ANKRD62: variants seen among roughly 807,000 people sequenced by gnomAD.
ANKRD62 encodes ankyrin repeat domain-containing protein 62.
ANKRD62 carries 61 observed loss-of-function variants against 98.8 expected under a neutral mutation model. The ratio of observed to expected loss-of-function variants is 0.62; its 90% CI spans 0.50 to 0.76. The LOEUF is 0.76. ANKRD62 is among the 30% of genes least tolerant of loss of function. The pLI is 0.00. For missense variants in ANKRD62, 933 were observed against 1,082.9 expected (o/e 0.86, Z 1.94); for synonymous variants, 341 against 367.9 (o/e 0.93, Z 0.84).
the ANKRD62 span, among the ~76,000 whole-genome samples, chr18:12,175,104 A>G: frequency 6.6e-6 from 1 of 152,124 alleles, no homozygotes; most frequent in Non-Finnish European, 1.5e-5. Flanking sequence ...CAGCTCAGGG[A>G]AGGGTAGGGG....
At chr18:12,174,697 A>T in the ANKRD62 span, among the ~76,000 whole-genome samples, 1 of 152,128 alleles carries the variant, frequency 6.6e-6, no homozygotes, top group Non-Finnish European at 1.5e-5. Context: ...TGATGACCTT[A>T]AGGGTTTGAG....
chr18:12,116,490 G>A (rs1406553456), intron 10 of ANKRD62, among the ~76,000 whole-genome samples: 3 of 152,078 alleles, frequency 2.0e-5, no homozygotes, highest in African/African-American at 7.2e-5. Flanking sequence ...TTGTGAAATA[G>A]TATTTTGTGT....
At chr18:12,170,959 T>A in the ANKRD62 span, among the ~76,000 whole-genome samples, 1 of 1,492 alleles carries the variant, frequency 6.7e-4, no homozygotes, top group Non-Finnish European at 1.7e-3. Flanking sequence ...CAACCCCTGC[T>A]TTTTTTTTTT....
chr18:12,138,302 T>C, the ANKRD62 span, among the ~76,000 whole-genome samples: 1 of 152,266 alleles, frequency 6.6e-6, no homozygotes, highest in African/African-American at 2.4e-5. Flanking sequence ...TTTCGTTATG[T>C]ACCCAGTAGT....
chr18:12,138,803 A>G, the ANKRD62 span, among the ~76,000 whole-genome samples: 93,301 of 151,970 alleles, frequency 0.61, 29,080 homozygotes, highest in Middle Eastern at 0.76. Flanking sequence ...TGTAATGGCC[A>G]TCTTTGTCTT....
intron 6 of ANKRD62, among the ~76,000 whole-genome samples, chr18:12,100,261 ATAAAG>A (rs1368529640): frequency 4.6e-5 from 7 of 152,330 alleles, no homozygotes; most frequent in African/African-American, 7.2e-5. Context: ...TGTTACTACA[ATAAAG>A]TAAACTAGAG....
At position 12,115,492 on chromosome 18, in the gene ANKRD62, A is replaced by G; in HGVS notation, c.1198A>G (p.Asn400Asp). The G allele has an allele frequency of 6.5e-7, 1 of 1,537,652 alleles. No individual in the cohort carries two copies. Among genetic ancestry groups the G allele is most frequent in the South Asian group, 1.2e-5 (1 of 83,940 alleles). Residue 400 changes from asparagine to aspartate, a missense_variant, in exon 10 of 14, where the codon AAT becomes GAT. Physicochemically the swap from Asn to Asp is conservative, Grantham distance 23 (BLOSUM62 1). Coordinates refer to ENST00000587848, the MANE Select transcript of ANKRD62 (RefSeq NM_001277333.2). ...DDELPYSDDE[N>D]FMLLIEQSGM... is the part of the protein sequence containing the mutation. ...TGAGTTGCCTTACTCTGATGATGAG[A>G]ATTTTATGTTACTCATTGAACAAAG...
At position 12,127,793 on chromosome 18, in the gene ANKRD62, A is replaced by G; in HGVS notation, c.2608A>G (p.Lys870Glu). 6.7e-7 allele frequency: 1 copy of G among 1,499,228 alleles called. No homozygotes were observed. Among genetic ancestry groups the G allele is most frequent in the Non-Finnish European group, 8.8e-7 (1 of 1,131,608 alleles). The allele number at this position is 1,499,228 out of a possible 1,614,324, so 92.9% of individuals were successfully genotyped here. The change falls in exon 14 of 14, where the codon AAA becomes GAA. Residue 870 changes from lysine to glutamate, a missense_variant. Lys to Glu is a moderately conservative substitution (Grantham distance 56). Transcript: ENST00000587848. The part of the protein sequence containing the change: ...LQREVDDALN[K>E]QLLLEAMLEI... ...ACGAGAAGTGGATGATGCCCTGAACAAACAATTGCTGTTAGAAGCTATGCT... is the reference window on the plus strand; with the variant it reads ...ACGAGAAGTGGATGATGCCCTGAACGAACAATTGCTGTTAGAAGCTATGCT...
the ANKRD62 span, among the ~76,000 whole-genome samples, chr18:12,160,916 G>A: frequency 9.0e-4 from 137 of 152,166 alleles, no homozygotes; most frequent in African/African-American, 3.1e-3. Flanking sequence ...TGTTAGACCC[G>A]AAGATCCTGG....
the ANKRD62 span, among the ~76,000 whole-genome samples, chr18:12,169,414 G>C: frequency 6.6e-6 from 1 of 152,220 alleles, no homozygotes; most frequent in South Asian, 2.1e-4. Context: ...CTTTGGTTCT[G>C]TTTATGTGAT....
the ANKRD62 span, among the ~76,000 whole-genome samples, chr18:12,168,085 G>T: frequency 3.3e-5 from 5 of 152,104 alleles, no homozygotes; most frequent in African/African-American, 9.7e-5. Context: ...TCTGTAGGTT[G>T]CCTGTTCACT....
At chr18:12,172,812 C>A in the ANKRD62 span, among the ~76,000 whole-genome samples, 1 of 152,346 alleles carries the variant, frequency 6.6e-6, no homozygotes, top group Non-Finnish European at 1.5e-5. Context: ...CAATGGCAGA[C>A]TCCCCTCCCC....
At chr18:12,168,268 G>C in the ANKRD62 span, among the ~76,000 whole-genome samples, 1 of 152,020 alleles carries the variant, frequency 6.6e-6, no homozygotes, top group Non-Finnish European at 1.5e-5. Flanking sequence ...ATGGTTTTAG[G>C]TCTAACATTT....
chr18:12,169,866 A>G, the ANKRD62 span, among the ~76,000 whole-genome samples: 1 of 152,126 alleles, frequency 6.6e-6, no homozygotes, highest in Non-Finnish European at 1.5e-5. Context: ...GGGAGGGTGT[A>G]TGTGTCCAGG....
chr18:12,174,321 C>A, the ANKRD62 span, among the ~76,000 whole-genome samples: 9 of 152,148 alleles, frequency 5.9e-5, no homozygotes, highest in Non-Finnish European at 1.3e-4. Context: ...TTATGAAATT[C>A]TTTTAATGTG....
chr18:12,137,546 G>A, the ANKRD62 span, among the ~76,000 whole-genome samples: 2 of 152,292 alleles, frequency 1.3e-5, no homozygotes, highest in Non-Finnish European at 2.9e-5. Flanking sequence ...TTGGTATCAG[G>A]ATGATGCTGG....
intron 5 of ANKRD62, 113 bp downstream of exon 5, chr18:12,097,890 G>A (rs1811711643): frequency 7.9e-7 from 1 of 1,270,560 alleles, no homozygotes; most frequent in Non-Finnish European, 1.1e-6. Context: ...TTTTGGAGTG[G>A]CAGTGAGTTA....
chr18:12,165,861 TG>T, the ANKRD62 span, among the ~76,000 whole-genome samples: 1 of 152,098 alleles, frequency 6.6e-6, no homozygotes, highest in Non-Finnish European at 1.5e-5. Context: ...CCTCAGTTTT[TG>T]TTTCTCCTTC....
intron 7 of ANKRD62, among the ~76,000 whole-genome samples, chr18:12,104,970 A>G (rs1393266118): frequency 6.6e-6 from 1 of 152,224 alleles, no homozygotes; most frequent in African/African-American, 2.4e-5. Flanking sequence ...TAATGACACA[A>G]AAAGTACAAA....
Sources: allele counts gnomAD v4.1 joint callset (sites outside exome capture counted in the v4.1 genomes callset), GRCh38; gene constraint gnomAD v4.1.1; transcripts MANE v1.5; gene names NCBI Gene and HGNC (gene_info 2026-07-23, HGNC 2026-07-21).